Variants in COX16 observed in about 807,000 individuals in gnomAD.
COX16 encodes cytochrome c oxidase assembly protein COX16 homolog, mitochondrial.
Under a neutral mutation model 15.4 loss-of-function variants are expected in COX16, and 12 were observed. The ratio of observed to expected loss-of-function variants is 0.78; its 90% CI spans 0.50 to 1.26. The LOEUF (loss-of-function observed/expected upper bound fraction) is 1.26, where lower values mean the gene tolerates loss of function less well. Ranked by LOEUF, COX16 falls within the 50% of genes most tolerant of loss-of-function variation. The pLI is 0.00. For missense variants in COX16, 124 were observed against 127.6 expected, an observed-to-expected ratio of 0.97 and a Z score of 0.14; for synonymous variants, 46 against 41.1, an observed-to-expected ratio of 1.12 and a Z score of -0.46.
At chr14:70,327,880 A>C (rs537122782) in intron 3 of COX16, among the ~76,000 whole-genome samples, 39 of 152,190 alleles carry the variant, frequency 2.6e-4, no homozygotes, top group Admixed American at 2.2e-3. Context: ...ATAACACTTC[A>C]CAGCCAACTG....
At chr14:70,347,358 A>G (rs187664721) in intron 1 of COX16, among the ~76,000 whole-genome samples, 70 of 152,162 alleles carry the variant, frequency 4.6e-4, no homozygotes, top group African/African-American at 1.1e-3. Context: ...ATTCCCTCCA[A>G]TACCACCCAT....
At chr14:70,350,394 A>T (rs1264181108) in intron 1 of COX16, among the ~76,000 whole-genome samples, 1 of 152,078 alleles carries the variant, frequency 6.6e-6, no homozygotes, top group Non-Finnish European at 1.5e-5. Context: ...GCCTGCACCC[A>T]GGCGCTCATT....
intron 2 of COX16, among the ~76,000 whole-genome samples, chr14:70,329,692 C>G (rs1357043649): frequency 6.8e-6 from 1 of 146,168 alleles, no homozygotes; most frequent in Non-Finnish European, 1.5e-5. Context: ...AAAAGGAATA[C>G]CTTCCATGGG....
chr14:70,348,937 G>C (rs1158663695), intron 1 of COX16, among the ~76,000 whole-genome samples: 2 of 152,134 alleles, frequency 1.3e-5, no homozygotes, highest in Non-Finnish European at 2.9e-5. Context: ...TGCAACCCAT[G>C]CAAGGCCAGT....
At position 70,348,548 on chromosome 14, in the gene COX16, G is replaced by A. The variant is rs1291074187; in HGVS notation, c.70-5819C>T. Among the ~76,000 whole-genome samples, 3 of 152,010 alleles carry A rather than the reference G, an allele frequency of 2.0e-5. No individual in the cohort carries two copies. In the East Asian group the frequency reaches 5.8e-4, roughly 29 times the overall value. On this transcript the variant is annotated intron_variant, in intron 1 of 3. Transcript: ENST00000389912. ...CTTCCTATGTCAAGGATGCCGGCAT[G>A]CTGGCTATGATATAGTGTCACCCCC...
chr14:70,359,539 CGA>C lies in COX16; in HGVS notation c.47_48del (p.Leu16ArgfsTer19). The C allele has an allele frequency of 1.2e-6, 2 of 1,614,086 alleles. No homozygotes were observed. The highest frequency in any genetic ancestry group is 8.5e-7 in the Non-Finnish European group (1 of 1,179,964). On this transcript the variant is annotated frameshift_variant, in exon 1 of 4. Transcript: ENST00000389912. LOFTEE classifies it high-confidence loss of function. Reference protein sequence around the residue: ...VMRAFRKNKTLGYGVPMLLLI... With the variant: ...VMRAFRKNKTXGYGVPMLLLI... ...CTCACCAACATGGGGACTCCATAGC[CGA>C]GAGTCTTGTTCTTGCGAAAAGCACG...
chr14:70,335,312 G>A (rs1405392523), intron 2 of COX16, among the ~76,000 whole-genome samples: 5 of 152,014 alleles, frequency 3.3e-5, no homozygotes, highest in Non-Finnish European at 2.9e-5. Flanking sequence ...AATCAACAAA[G>A]ACACATTAAA....
chr14:70,359,258 T>C (rs961513204), intron 1 of COX16: 2 of 585,984 alleles, frequency 3.4e-6, no homozygotes, highest in African/African-American at 1.8e-5. Context: ...CGTTCGACGA[T>C]GGGAAAGACG....
intron 2 of COX16, among the ~76,000 whole-genome samples, chr14:70,329,443 T>A (rs1208777067): frequency 6.6e-6 from 1 of 152,116 alleles, no homozygotes; most frequent in Non-Finnish European, 1.5e-5. Flanking sequence ...ATCTACTGAT[T>A]ACTTGTTATG....
chr14:70,341,030 C>T (rs1886609359), intron 2 of COX16, among the ~76,000 whole-genome samples: 1 of 152,070 alleles, frequency 6.6e-6, no homozygotes, highest in African/African-American at 2.4e-5. Flanking sequence ...TTACTTGCAG[C>T]ATCTAACAAG....
intron 1 of COX16, among the ~76,000 whole-genome samples, chr14:70,357,684 A>T (rs1004801847): frequency 6.6e-6 from 1 of 152,240 alleles, no homozygotes; most frequent in African/African-American, 2.4e-5. Flanking sequence ...GAAAATCAAA[A>T]CCACAATGAG....
chr14:70,356,333 C>T (rs544510350), intron 1 of COX16, among the ~76,000 whole-genome samples: 5 of 152,176 alleles, frequency 3.3e-5, no homozygotes, highest in Admixed American at 6.5e-5. Context: ...AGGACTCGTG[C>T]TCCTATGAGA....
At chr14:70,355,414 T>G (rs890481010) in intron 1 of COX16, among the ~76,000 whole-genome samples, 1 of 152,154 alleles carries the variant, frequency 6.6e-6, no homozygotes, top group Non-Finnish European at 1.5e-5. Context: ...TTTCTCTTCT[T>G]CTCTATTCAC....
At chr14:70,347,504 A>G (rs944101011) in intron 1 of COX16, among the ~76,000 whole-genome samples, 2 of 152,072 alleles carry the variant, frequency 1.3e-5, no homozygotes, top group Non-Finnish European at 2.9e-5. Context: ...TACTACCTCA[A>G]GGTTTCAGAG....
At chr14:70,343,943 A>G (rs954463918) in intron 1 of COX16, among the ~76,000 whole-genome samples, 4 of 152,074 alleles carry the variant, frequency 2.6e-5, no homozygotes, top group Non-Finnish European at 4.4e-5. Flanking sequence ...CAGGGATCAG[A>G]GTTTTTAGAT....
intron 2 of COX16, among the ~76,000 whole-genome samples, chr14:70,341,781 T>C (rs1404543156): frequency 6.6e-6 from 1 of 152,198 alleles, no homozygotes; most frequent in Non-Finnish European, 1.5e-5. Context: ...TAAATGCATT[T>C]TTTACTTATG....
chr14:70,329,363 C>T (rs1178673636), intron 2 of COX16, 127 bp from the exon 3 acceptor site: 2 of 657,506 alleles, frequency 3.0e-6, no homozygotes. Flanking sequence ...AAAATCTCCA[C>T]CATCTACTCT....
chr14:70,350,734 T>A (rs1485018105), intron 1 of COX16, among the ~76,000 whole-genome samples: 2 of 152,220 alleles, frequency 1.3e-5, no homozygotes, highest in Non-Finnish European at 2.9e-5. Flanking sequence ...TTTCCCCTAA[T>A]AAGAAATATA....
chr14:70,344,203 T>G (rs569390110), intron 1 of COX16, among the ~76,000 whole-genome samples: 1 of 152,190 alleles, frequency 6.6e-6, no homozygotes, highest in Non-Finnish European at 1.5e-5. Context: ...ATTTGGGAGG[T>G]TCAGGCTCTT....
Sources: gnomAD v4.1 joint callset for allele counts (sites outside exome capture counted in the v4.1 genomes callset) on GRCh38, gnomAD v4.1.1 for gene constraint, MANE v1.5 for transcripts, NCBI Gene and HGNC (gene_info 2026-07-23, HGNC 2026-07-21) for gene names.